CCDC192: variants seen among roughly 807,000 people sequenced by gnomAD.
CCDC192 encodes the protein coiled-coil domain containing 192, also known as coiled-coil domain-containing protein 192.
At chr5:127,793,119 A>C (rs1055998203) in intron 3 of CCDC192, among the ~76,000 whole-genome samples, 16 of 152,230 alleles carry the variant, frequency 1.1e-4, no homozygotes, top group African/African-American at 3.6e-4. Flanking sequence ...AAATATGTAC[A>C]TATACTTTCT....
chr5:127,834,981 G>T (rs189943732), intron 5 of CCDC192, among the ~76,000 whole-genome samples: 2 of 152,186 alleles, frequency 1.3e-5, no homozygotes, highest in African/African-American at 2.4e-5. Flanking sequence ...AAAATGAAAT[G>T]GTTCCAAAAC....
chr5:127,912,208 G>A (rs1753386142), intron 6 of CCDC192, among the ~76,000 whole-genome samples: 1 of 151,440 alleles, frequency 6.6e-6, no homozygotes, highest in Non-Finnish European at 1.5e-5. Context: ...GGGATTACAG[G>A]CGTGAGCAAC....
chr5:127,787,064 T>G, intron 3 of CCDC192: 1 of 280,362 alleles, frequency 3.6e-6, no homozygotes. Flanking sequence ...TCTAAAGCTG[T>G]CCAGTGCAGC....
chr5:127,788,338 T>C (rs554369461), intron 3 of CCDC192, among the ~76,000 whole-genome samples: 2 of 152,264 alleles, frequency 1.3e-5, no homozygotes, highest in East Asian at 1.9e-4. Context: ...TATAGTCACA[T>C]TGGCTGTTTT....
At chr5:127,902,297 TA>T (rs1355893057) in intron 6 of CCDC192, among the ~76,000 whole-genome samples, 9 of 150,308 alleles carry the variant, frequency 6.0e-5, no homozygotes, top group Non-Finnish European at 1.2e-4. Context: ...TAATAATAAT[TA>T]AAAAAATAAG....
Position 127,754,316 on chromosome 5 carries a change from G to T in CCDC192, c.163G>T (p.Glu55Ter), listed in dbSNP as rs1035420734. Residue 55 changes from glutamate (E) to a stop codon, truncating the protein, a stop_gained, in exon 3 of 7, where the codon GAG (glutamate) becomes TAG (stop). Coordinates refer to ENST00000514853, the MANE Select transcript of CCDC192 (RefSeq NM_001317938.2). LOFTEE classifies it high-confidence loss of function. ...GQMAFTLAQL[E>*]SLEICLKEAE... ...GATGGCGTTTACCTTGGCCCAACTT[G>T]AGTCCTTGGAGATTTGCCTGAAAGA... 2.3e-5 allele frequency: 9 copies of T among 398,558 alleles called. No individual in the cohort carries two copies. The allele number at this position is 398,558 out of a possible 1,614,324, so 24.7% of individuals were successfully genotyped here.
intron 6 of CCDC192, chr5:127,940,953 A>G (rs1400903911): frequency 5.5e-6 from 2 of 361,688 alleles, no homozygotes; most frequent in East Asian, 8.1e-5. Flanking sequence ...CTGATGCTGT[A>G]CACTCTCAAG....
At chr5:127,815,225 T>C (rs976901497) in intron 5 of CCDC192, among the ~76,000 whole-genome samples, 22 of 152,176 alleles carry the variant, frequency 1.4e-4, no homozygotes, top group African/African-American at 5.1e-4. Context: ...TTAACATATT[T>C]TAGAAAGAGT....
At chr5:127,750,576 A>C (rs1328235027) in intron 2 of CCDC192, among the ~76,000 whole-genome samples, 4 of 150,298 alleles carry the variant, frequency 2.7e-5, no homozygotes, top group Admixed American at 2.0e-4. Context: ...GGTGCTGAAA[A>C]AAATGTATAT....
intron 5 of CCDC192, among the ~76,000 whole-genome samples, chr5:127,829,668 T>TGGG (rs1341111237): frequency 6.6e-6 from 1 of 152,162 alleles, no homozygotes; most frequent in Non-Finnish European, 1.5e-5. Context: ...AAGTACAACA[T>TGGG]CTTAGTGGGC....
chr5:127,705,857 T>C (rs1750927558), intron 1 of CCDC192, among the ~76,000 whole-genome samples: 1 of 152,218 alleles, frequency 6.6e-6, no homozygotes, highest in Non-Finnish European at 1.5e-5. Flanking sequence ...ATTAGAGGGC[T>C]CCATTTATTA....
intron 5 of CCDC192, among the ~76,000 whole-genome samples, chr5:127,831,779 A>G (rs1328193741): frequency 6.6e-6 from 1 of 152,134 alleles, no homozygotes; most frequent in Non-Finnish European, 1.5e-5. Flanking sequence ...CCTGATTAAC[A>G]TATGATCTTT....
In CCDC192 at chr5:127,742,764, A is replaced by G. The variant is rs577586665; in HGVS notation, c.115-11504A>G. On this transcript the variant is annotated intron_variant, in intron 2 of 6. Transcript: ENST00000514853. ...ATCCTCTTAACACCAAAGAAAGCAG[A>G]ATGATTATAATCTCAGAATAAATGA... Among the ~76,000 whole-genome samples, 40 of 152,322 alleles carry G rather than the reference A, an allele frequency of 2.6e-4. 1 individual carries two copies. The South Asian group carries it at 8.3e-3, about 32-fold the overall frequency.
intron 2 of CCDC192, among the ~76,000 whole-genome samples, chr5:127,750,109 T>A (rs1045909581): frequency 1.3e-5 from 2 of 152,208 alleles, no homozygotes; most frequent in Non-Finnish European, 2.9e-5. Flanking sequence ...GTGTCTCTAT[T>A]TCCTTCACTT....
At chr5:127,785,743 G>A in intron 3 of CCDC192, 1 of 227,032 alleles carries the variant, frequency 4.4e-6, no homozygotes, top group Non-Finnish European at 9.0e-6. Context: ...CCTCATCTGT[G>A]TTCTTGGAAC....
intron 5 of CCDC192, among the ~76,000 whole-genome samples, chr5:127,871,914 A>T (rs569675660): frequency 1.7e-4 from 26 of 152,366 alleles, no homozygotes; most frequent in Non-Finnish European, 2.9e-4. Context: ...CTATCCTTTC[A>T]GTAATCACCA....
chr5:127,866,068 T>C (rs774638996), intron 5 of CCDC192, among the ~76,000 whole-genome samples: 1 of 152,120 alleles, frequency 6.6e-6, no homozygotes, highest in Non-Finnish European at 1.5e-5. Flanking sequence ...TGTTGAACGC[T>C]ATCTGCGGTT....
rs558650917 is a variant in CCDC192, at chr5:127,787,469, T to C, written c.223-9634T>C. ...TTTCTAAATATTTTTTAATTTGCCTTGTGATTTTTTCTTTGTCCCACTGGT... is the reference window on the plus strand; with the variant it reads ...TTTCTAAATATTTTTTAATTTGCCTCGTGATTTTTTCTTTGTCCCACTGGT... On this transcript the variant is annotated intron_variant, in intron 3 of 6. Transcript: ENST00000514853. Among the ~76,000 whole-genome samples, 6 of 152,364 alleles carry C rather than the reference T, an allele frequency of 3.9e-5. No homozygotes were observed. The South Asian group carries it at 1.0e-3, about 26-fold the overall frequency.
At chr5:127,900,987 TA>T (rs1398375121) in intron 6 of CCDC192, among the ~76,000 whole-genome samples, 1 of 152,186 alleles carries the variant, frequency 6.6e-6, no homozygotes, top group African/African-American at 2.4e-5. Context: ...GGGTTCAGAA[TA>T]AAACTTTTTT....
Sources: gnomAD v4.1 joint callset for allele counts (sites outside exome capture counted in the v4.1 genomes callset) on GRCh38, gnomAD v4.1.1 for gene constraint, MANE v1.5 for transcripts, NCBI Gene and HGNC (gene_info 2026-07-23, HGNC 2026-07-21) for gene names.